GRIK4: variants seen among roughly 807,000 people sequenced by gnomAD.
The protein encoded by GRIK4 is glutamate receptor ionotropic, kainate 4.
A neutral mutation model predicts 104.9 loss-of-function variants in GRIK4; 40 were observed. The ratio of observed to expected loss-of-function variants is 0.38; its 90% CI spans 0.30 to 0.50. GRIK4 has a LOEUF of 0.50. GRIK4 is among the 20% of genes least tolerant of loss of function. The pLI is 0.93. For missense variants in GRIK4, 1,047 were observed against 1,308.1 expected, an observed-to-expected ratio of 0.80 and a Z score of 3.08; for synonymous variants, 485 against 524.9, an observed-to-expected ratio of 0.92 and a Z score of 1.04.
intron 18 of GRIK4, among the ~76,000 whole-genome samples, chr11:120,966,816 T>A (rs1176427227): frequency 1.3e-5 from 2 of 152,100 alleles, no homozygotes; most frequent in Non-Finnish European, 2.9e-5. Flanking sequence ...GTTGTTTAAC[T>A]TGGATAGACC....
chr11:120,859,442 C>T (rs1565397213), intron 8 of GRIK4: 1 of 152,256 alleles, frequency 6.6e-6, no homozygotes, highest in East Asian at 1.9e-4. Flanking sequence ...ACCCCAGCTG[C>T]CACTGTGAAT....
chr11:120,957,501 A>T (rs17124590), intron 16 of GRIK4, among the ~76,000 whole-genome samples: 2,079 of 152,138 alleles, frequency 0.014, 15 homozygotes, highest in Middle Eastern at 0.048. Context: ...ATGTGTGGGA[A>T]AGCTCTTTGA....
chr11:120,800,065 G>C (rs1203558879), intron 3 of GRIK4, among the ~76,000 whole-genome samples: 1 of 151,680 alleles, frequency 6.6e-6, no homozygotes, highest in African/African-American at 2.4e-5. Flanking sequence ...TATTGGTCAG[G>C]TTGGTCTCAA....
intron 4 of GRIK4, among the ~76,000 whole-genome samples, chr11:120,813,780 C>A (rs1045020978): frequency 1.3e-5 from 2 of 152,210 alleles, no homozygotes; most frequent in African/African-American, 2.4e-5. Flanking sequence ...CCCTTAACCT[C>A]AATTGCTAGG....
chr11:120,610,703 C>T (rs1434368492), intron 1 of GRIK4, among the ~76,000 whole-genome samples: 8 of 152,114 alleles, frequency 5.3e-5, no homozygotes, highest in African/African-American at 9.7e-5. Flanking sequence ...TTCAAAGGAA[C>T]GACAGGATAG....
rs893578213 is a variant in GRIK4, at chr11:120,550,001, A to G, written c.-159+38114A>G. The stretch of plus-strand genomic sequence containing the variant: ...TGCAAGGGGTTTGGTTCTAAGTGCA[A>G]TGAAAAGCCATTAAAGGAATTTGAG... On this transcript the variant is annotated intron_variant, in intron 1 of 20. Transcript: ENST00000527524. Among the ~76,000 whole-genome samples the G allele has an allele frequency of 2.0e-5, 3 of 152,136 alleles. No homozygotes were observed. In the East Asian group the frequency reaches 5.8e-4, roughly 29 times the overall value.
chr11:120,742,459 G>A (rs1400051451), intron 3 of GRIK4, among the ~76,000 whole-genome samples: 1 of 150,920 alleles, frequency 6.6e-6, no homozygotes, highest in Non-Finnish European at 1.5e-5. Context: ...TTAGAGAAAT[G>A]TAAATCAAAA....
At chr11:120,922,076 G>A in intron 13 of GRIK4, among the ~76,000 whole-genome samples, 1 of 152,122 alleles carries the variant, frequency 6.6e-6, no homozygotes, top group East Asian at 1.9e-4. Context: ...CAACTCCCGT[G>A]GCTCCCTATG....
chr11:120,581,968 G>A (rs1221193844), intron 1 of GRIK4, among the ~76,000 whole-genome samples: 5 of 151,960 alleles, frequency 3.3e-5, no homozygotes, highest in South Asian at 2.1e-4. Context: ...CACCACGCCC[G>A]GCTAACTTTT....
chr11:120,620,729 A>G (rs7128466), intron 1 of GRIK4, among the ~76,000 whole-genome samples: 130,603 of 152,180 alleles, frequency 0.86, 56,425 homozygotes, highest in African/African-American at 0.94. Flanking sequence ...CTCCAATCAC[A>G]TCAGGTATTG....
chr11:120,519,671 AT>A (rs1419043064), intron 1 of GRIK4, among the ~76,000 whole-genome samples: 1 of 152,196 alleles, frequency 6.6e-6, no homozygotes, highest in Non-Finnish European at 1.5e-5. Context: ...TTCAGAGTAG[AT>A]GATTCATTAG....
chr11:120,521,357 C>T (rs915839092), intron 1 of GRIK4, among the ~76,000 whole-genome samples: 1 of 152,128 alleles, frequency 6.6e-6, no homozygotes, highest in Non-Finnish European at 1.5e-5. Flanking sequence ...CAGGTGTGCG[C>T]CACCACGCCC....
At chr11:120,520,988 T>C (rs1947791322) in intron 1 of GRIK4, among the ~76,000 whole-genome samples, 2 of 152,294 alleles carry the variant, frequency 1.3e-5, no homozygotes, top group South Asian at 4.1e-4. Flanking sequence ...GCACGGGATA[T>C]GCAGAAGACC....
At chr11:120,614,258 T>C in intron 1 of GRIK4, among the ~76,000 whole-genome samples, 1 of 152,162 alleles carries the variant, frequency 6.6e-6, no homozygotes, top group East Asian at 1.9e-4. Flanking sequence ...GTTATGGTTT[T>C]TTAAAAGTGC....
intron 3 of GRIK4, among the ~76,000 whole-genome samples, chr11:120,671,579 G>GT (rs377476959): frequency 0.013 from 1,937 of 152,154 alleles, 38 homozygotes; most frequent in African/African-American, 0.044. Context: ...GGGGTTGTTT[G>GT]TTTTTTTCTT....
Position 120,903,487 on chromosome 11 carries a change from T to G in GRIK4, c.1273-1803T>G, listed in dbSNP as rs1205812791. Among the ~76,000 whole-genome samples, 1 of 152,128 alleles carries G rather than the reference T, an allele frequency of 6.6e-6. No individual in the cohort carries two copies. Among genetic ancestry groups the G allele is most frequent in the Non-Finnish European group, 1.5e-5 (1 of 68,004 alleles). On this transcript the variant is annotated intron_variant, in intron 12 of 20. Transcript: ENST00000527524. The surrounding 1 kb of genome is among the most constrained non-coding windows in gnomAD (Gnocchi z 4.4). ...CTCCACCCTGCACTTCCTGGGCCCTTGCTCCACCAGCTAGCATGGTTCTTT... is the reference window on the plus strand; with the variant it reads ...CTCCACCCTGCACTTCCTGGGCCCTGGCTCCACCAGCTAGCATGGTTCTTT...
chr11:120,821,818 C>T (rs1290110949), intron 6 of GRIK4, among the ~76,000 whole-genome samples: 1 of 152,202 alleles, frequency 6.6e-6, no homozygotes, highest in Non-Finnish European at 1.5e-5. Context: ...GGCACCCTTA[C>T]ACTCTATGTA....
intron 1 of GRIK4, among the ~76,000 whole-genome samples, chr11:120,637,131 G>A (rs1457526649): frequency 6.6e-6 from 1 of 151,952 alleles, no homozygotes; most frequent in Admixed American, 6.6e-5. Flanking sequence ...GAGGAGGGAA[G>A]GAGGTGAGAG....
At chr11:120,822,272 C>G (rs1188241740) in intron 6 of GRIK4, among the ~76,000 whole-genome samples, 1 of 150,800 alleles carries the variant, frequency 6.6e-6, no homozygotes, top group Non-Finnish European at 1.5e-5. Context: ...CTGGAGTTCT[C>G]CAGCAGGGCT....
Sources: allele counts gnomAD v4.1 joint callset (sites outside exome capture counted in the v4.1 genomes callset), GRCh38; gene constraint gnomAD v4.1.1; non-coding constraint Gnocchi (gnomAD v3.1); transcripts MANE v1.5; gene names NCBI Gene and HGNC (gene_info 2026-07-23, HGNC 2026-07-21).